Variants in PHF21B observed in about 807,000 individuals in gnomAD.
PHF21B encodes PHD finger protein 21B.
In PHF21B, 22 loss-of-function variants were observed where a neutral mutation model predicts 62.2. The observed-to-expected ratio is 0.35, with a 90% CI of 0.25 to 0.51. PHF21B has a LOEUF of 0.51. Ranked by LOEUF, PHF21B falls within the 20% of genes least tolerant of loss-of-function variation. The pLI is 0.97. For missense variants in PHF21B, 701 were observed against 707.9 expected (o/e 0.99, Z 0.11); for synonymous variants, 341 against 314.7 (o/e 1.08, Z -0.88).
chr22:44,955,238 C>T (rs1048066010), intron 2 of PHF21B, among the ~76,000 whole-genome samples: 4 of 152,218 alleles, frequency 2.6e-5, no homozygotes, highest in African/African-American at 9.6e-5. Context: ...CACAGCACCA[C>T]TCCACAGCTG....
At chr22:44,926,557 G>C (rs1569232869) in intron 2 of PHF21B, among the ~76,000 whole-genome samples, 1 of 152,240 alleles carries the variant, frequency 6.6e-6, no homozygotes, top group Non-Finnish European at 1.5e-5. Flanking sequence ...ATGTGCCTCT[G>C]TGAGTCCTGG....
intron 2 of PHF21B, among the ~76,000 whole-genome samples, chr22:44,982,225 A>G (rs570809760): frequency 6.6e-6 from 1 of 152,164 alleles, no homozygotes; most frequent in South Asian, 2.1e-4. Flanking sequence ...GCTGCCTATC[A>G]GCTTCTGTGT....
chr22:44,937,000 G>T (rs540084963), intron 2 of PHF21B, among the ~76,000 whole-genome samples: 32 of 152,006 alleles, frequency 2.1e-4, no homozygotes, highest in Admixed American at 1.6e-3. Context: ...GAGTAGCTGG[G>T]ATTACAGGTG....
intron 5 of PHF21B, among the ~76,000 whole-genome samples, chr22:44,900,485 G>C (rs1387663032): frequency 1.3e-4 from 20 of 152,278 alleles, no homozygotes. Context: ...ATTTTTACTA[G>C]AGATGGGGTT....
intron 2 of PHF21B, among the ~76,000 whole-genome samples, chr22:44,931,209 C>T (rs2071734805): frequency 6.6e-6 from 1 of 152,206 alleles, no homozygotes; most frequent in Non-Finnish European, 1.5e-5. Context: ...CATGAGCCAC[C>T]ATGACCACCC....
At chr22:44,975,661 C>T in intron 2 of PHF21B, among the ~76,000 whole-genome samples, 1 of 152,220 alleles carries the variant, frequency 6.6e-6, no homozygotes, top group East Asian at 1.9e-4. Context: ...CCACCTTCCT[C>T]CCCAAAGCTG....
chr22:44,934,089 C>A (rs577724070), intron 2 of PHF21B, among the ~76,000 whole-genome samples: 1 of 152,216 alleles, frequency 6.6e-6, no homozygotes, highest in African/African-American at 2.4e-5. Flanking sequence ...TCTCCTCTGA[C>A]GTGGGCATGG....
At chr22:44,961,431 G>A (rs1178582869) in intron 2 of PHF21B, among the ~76,000 whole-genome samples, 1 of 152,060 alleles carries the variant, frequency 6.6e-6, no homozygotes, top group East Asian at 1.9e-4. Context: ...TCTGCTCTAG[G>A]AGTCCCTAGT....
Position 44,948,988 on chromosome 22 carries a change from T to A in PHF21B, c.121-28498A>T, listed in dbSNP as rs575826056. Among the ~76,000 whole-genome samples, 93 of 152,258 alleles carry A rather than the reference T, an allele frequency of 6.1e-4. 1 individual carries two copies. Among genetic ancestry groups the A allele is most frequent in the African/African-American group, 2.2e-3 (93 of 41,566 alleles). ...TTGGGGTTCTTTGGTGGTTGGGAAGTAACGCTCAAGCTCTTTTGAAAGCTG... is the reference window on the plus strand; with the variant it reads ...TTGGGGTTCTTTGGTGGTTGGGAAGAAACGCTCAAGCTCTTTTGAAAGCTG... On this transcript the variant is annotated intron_variant, in intron 2 of 12. Coordinates refer to ENST00000313237, the MANE Select transcript of PHF21B (RefSeq NM_138415.5).
At position 44,916,470 on chromosome 22, in the gene PHF21B, G is replaced by T; in HGVS notation, c.374C>A (p.Ala125Glu). 4 of 1,604,858 alleles carry T rather than the reference G, an allele frequency of 2.5e-6. No individual in the cohort carries two copies. Among genetic ancestry groups the T allele is most frequent in the Non-Finnish European group, 3.4e-6 (4 of 1,178,550 alleles). The change falls in exon 4 of 13, where the codon GCG becomes GAG. Residue 125 changes from alanine (A) to glutamate (E), a missense_variant. Coordinates refer to ENST00000313237, the MANE Select transcript of PHF21B (RefSeq NM_138415.5). ...GAGGGCCTGGGGCTGGCTGCCGGGC[G>T]CTGGCACATGGCTGACAGTGTTGTT... ...TANNTVSHVP[A>E]PGSQPQALAE...
At chr22:44,977,293 G>T (rs2072755380) in intron 2 of PHF21B, among the ~76,000 whole-genome samples, 1 of 151,990 alleles carries the variant, frequency 6.6e-6, no homozygotes, top group Non-Finnish European at 1.5e-5. Context: ...CAGGCACGGT[G>T]GTGGCTCACA....
intron 2 of PHF21B, among the ~76,000 whole-genome samples, chr22:44,981,737 G>T (rs371100826): frequency 6.6e-6 from 1 of 152,214 alleles, no homozygotes; most frequent in Non-Finnish European, 1.5e-5. Flanking sequence ...ACAGCTACAC[G>T]GGGACCAACA....
intron 5 of PHF21B, among the ~76,000 whole-genome samples, chr22:44,906,188 G>C (rs1439306744): frequency 1.3e-5 from 2 of 152,222 alleles, no homozygotes; most frequent in East Asian, 1.9e-4. Context: ...TCTCTCCACT[G>C]TATCTGGGGT....
At chr22:44,996,875 G>A (rs538983796) in intron 2 of PHF21B, among the ~76,000 whole-genome samples, 2 of 151,894 alleles carry the variant, frequency 1.3e-5, no homozygotes, top group Non-Finnish European at 2.9e-5. Context: ...CATACATGCA[G>A]ACGCACACAA....
chr22:44,887,485 A>G (rs1407896082), intron 10 of PHF21B, among the ~76,000 whole-genome samples: 1 of 152,082 alleles, frequency 6.6e-6, no homozygotes, highest in East Asian at 1.9e-4. Context: ...GGGCTATTCC[A>G]CTATCTCCCG....
Position 44,915,856 on chromosome 22 carries a change from G to C in PHF21B, c.564+424C>G, listed in dbSNP as rs867910075. ...AGAAATTATGGGAGATTGTGCACTT[G>C]GGCAGTGGGGTAAAAACAGCCCTTG... On this transcript the variant is annotated intron_variant, in intron 4 of 12. Transcript: ENST00000313237. 1.4e-4 allele frequency among the ~76,000 whole-genome samples: 21 copies of C among 152,268 alleles called. 1 individual carries two copies. The Middle Eastern group carries it at 0.034, about 247-fold the overall frequency.
At chr22:44,909,791 A>G (rs1318696920) in intron 5 of PHF21B, among the ~76,000 whole-genome samples, 1 of 152,082 alleles carries the variant, frequency 6.6e-6, no homozygotes, top group African/African-American at 2.4e-5. Flanking sequence ...TCTCTGCTGG[A>G]TCCTGGCAAC....
chr22:44,895,699 G>A (rs975213045), intron 6 of PHF21B, among the ~76,000 whole-genome samples: 1 of 152,190 alleles, frequency 6.6e-6, no homozygotes, highest in Admixed American at 6.5e-5. Flanking sequence ...GAGCCCACAC[G>A]GTCCCTCCGC....
At chr22:44,982,384 G>A (rs151305989) in intron 2 of PHF21B, among the ~76,000 whole-genome samples, 42 of 152,326 alleles carry the variant, frequency 2.8e-4, no homozygotes, top group Non-Finnish European at 4.0e-4. Context: ...CATCACCTAC[G>A]TGCAACCCTG....
Sources: gnomAD v4.1 joint callset for allele counts (sites outside exome capture counted in the v4.1 genomes callset) on GRCh38, gnomAD v4.1.1 for gene constraint, MANE v1.5 for transcripts, NCBI Gene and HGNC (gene_info 2026-07-23, HGNC 2026-07-21) for gene names.